SPEF2: variants seen among roughly 807,000 people sequenced by gnomAD.
SPEF2 encodes the protein sperm flagella and cilia-associated protein 2.
Under a neutral mutation model 224.6 loss-of-function variants are expected in SPEF2, and 187 were observed. The observed-to-expected ratio is 0.83, with a 90% confidence interval of 0.74 to 0.94. SPEF2 has a LOEUF of 0.94. Ranked by LOEUF, SPEF2 falls within the 40% of genes least tolerant of loss-of-function variation. The pLI, the probability that SPEF2 is intolerant of heterozygous loss-of-function variation, is 0.00. For missense variants in SPEF2, 2,170 were observed against 2,135.6 expected (o/e 1.02, Z -0.32); for synonymous variants, 715 against 707.3 (o/e 1.01, Z -0.17).
chr5:35,691,021 A>T lies in SPEF2; in HGVS notation c.1525-16A>T. ...TTTTCAGAATATTTCTGTTTATTTG[A>T]TCGTTATTTTTACAGAACATGGTTG... On this transcript the variant is annotated splice_polypyrimidine_tract_variant and intron_variant, in intron 10 of 36. Coordinates refer to ENST00000356031, the MANE Select transcript of SPEF2 (RefSeq NM_024867.4). The T allele has an allele frequency of 6.3e-7, 1 of 1,595,496 alleles. No homozygotes were observed. Among genetic ancestry groups the T allele is most frequent in the East Asian group, 2.2e-5 (1 of 44,586 alleles).
intron 21 of SPEF2, among the ~76,000 whole-genome samples, chr5:35,737,370 C>G (rs1051501794): frequency 2.4e-5 from 3 of 122,776 alleles, no homozygotes; most frequent in South Asian, 3.3e-4. Flanking sequence ...TCCCTCCCCC[C>G]ACCCCACAAC....
intron 30 of SPEF2, chr5:35,791,032 A>G (rs2149829850): frequency 6.6e-6 from 1 of 152,294 alleles, no homozygotes; most frequent in East Asian, 1.9e-4. Context: ...GCAGCTTACA[A>G]GATTTTTAAA....
At chr5:35,690,477 A>T (rs1754286409) in intron 10 of SPEF2, among the ~76,000 whole-genome samples, 1 of 152,030 alleles carries the variant, frequency 6.6e-6, no homozygotes, top group African/African-American at 2.4e-5. Context: ...TTAAATACTT[A>T]TTTTTTTCTA....
chr5:35,791,846 G>C (rs1756000272), intron 30 of SPEF2, among the ~76,000 whole-genome samples: 1 of 152,060 alleles, frequency 6.6e-6, no homozygotes, highest in Non-Finnish European at 1.5e-5. Flanking sequence ...AATTTCTCTA[G>C]ATTTACAAAA....
intron 36 of SPEF2, among the ~76,000 whole-genome samples, chr5:35,810,238 T>C (rs952936334): frequency 1.3e-5 from 2 of 151,934 alleles, no homozygotes; most frequent in African/African-American, 4.8e-5. Context: ...TGAGACAGAG[T>C]TTTGCTCTTG....
At chr5:35,696,449 C>A (rs1755332669) in intron 14 of SPEF2, among the ~76,000 whole-genome samples, 2 of 152,048 alleles carry the variant, frequency 1.3e-5, no homozygotes, top group Non-Finnish European at 2.9e-5. Flanking sequence ...TCAGAAAAAA[C>A]AGGAAAAGGG....
At chr5:35,626,594 C>A (rs1744293309) in intron 1 of SPEF2, among the ~76,000 whole-genome samples, 1 of 152,066 alleles carries the variant, frequency 6.6e-6, no homozygotes, top group South Asian at 2.1e-4. Context: ...TTTATTTTTT[C>A]TATTGCATAT....
At position 35,692,672 on chromosome 5, in the gene SPEF2, A is replaced by G; in HGVS notation, c.1847A>G (p.Asn616Ser). The G allele has an allele frequency of 6.2e-7, 1 of 1,613,856 alleles. No individual in the cohort carries two copies. Among genetic ancestry groups the G allele is most frequent in the Non-Finnish European group, 8.5e-7 (1 of 1,179,872 alleles). ...AGTGAGGTTCTACCAATTCAGAAAA[A>G]TGATGAAGAAGATGCTCTACCAGTT... is the stretch of plus-strand genomic sequence containing the variant. Reference protein sequence around the residue: ...KVSEVLPIQKNDEEDALPVLQ... With the variant: ...KVSEVLPIQKSDEEDALPVLQ... Residue 616 changes from asparagine (N) to serine (S), a missense_variant, in exon 12 of 37, where the codon AAT (asparagine) becomes AGT (serine). Physicochemically the swap from Asn to Ser is conservative, Grantham distance 46 (BLOSUM62 1). Coordinates refer to ENST00000356031, the MANE Select transcript of SPEF2 (RefSeq NM_024867.4).
At chr5:35,775,032 T>C (rs1341825996) in intron 28 of SPEF2, among the ~76,000 whole-genome samples, 1 of 152,218 alleles carries the variant, frequency 6.6e-6, no homozygotes, top group Non-Finnish European at 1.5e-5. Context: ...CAAATGATTA[T>C]TGACTTTCCA....
At chr5:35,741,773 T>C (rs1747686873) in intron 23 of SPEF2, among the ~76,000 whole-genome samples, 1 of 152,188 alleles carries the variant, frequency 6.6e-6, no homozygotes, top group South Asian at 2.1e-4. Context: ...GCCTATTCTT[T>C]GACACTCCTC....
intron 33 of SPEF2, among the ~76,000 whole-genome samples, chr5:35,798,333 A>C (rs1756961110): frequency 6.6e-6 from 1 of 152,052 alleles, no homozygotes; most frequent in South Asian, 2.1e-4. Context: ...TCCCTTTGCC[A>C]ATTCTGCTCA....
At chr5:35,719,257 C>G (rs1743181969) in intron 20 of SPEF2, among the ~76,000 whole-genome samples, 1 of 152,158 alleles carries the variant, frequency 6.6e-6, no homozygotes, top group Non-Finnish European at 1.5e-5. Context: ...TAGGGGAAAA[C>G]TTAAAAACAA....
Position 35,753,897 on chromosome 5 carries a change from G to A in SPEF2, c.3468+136G>A, listed in dbSNP as rs1460636142. 5 of 1,061,866 alleles carry A rather than the reference G, an allele frequency of 4.7e-6. No individual in the cohort carries two copies. In the Admixed American group the frequency reaches 1.2e-4, roughly 26 times the overall value. 65.8% of individuals were successfully genotyped at this position (1,061,866 alleles called of 1,614,324 possible). On this transcript the variant is annotated intron_variant, in intron 24 of 36. Transcript: ENST00000356031. ...TGGTATAGCACTATGCCTGGTATGAGCTCCAACTCACCAAAAAAGCTAGCC... is the reference window on the plus strand; with the variant it reads ...TGGTATAGCACTATGCCTGGTATGAACTCCAACTCACCAAAAAAGCTAGCC...
chr5:35,634,288 C>A (rs770746629), intron 2 of SPEF2, among the ~76,000 whole-genome samples: 53 of 152,088 alleles, frequency 3.5e-4, no homozygotes, highest in Middle Eastern at 3.4e-3. Context: ...TCTTGATTTG[C>A]AGTTTTTCTT....
chr5:35,740,335 C>T (rs769259511), intron 23 of SPEF2, 68 bp downstream of exon 23: 10 of 1,573,460 alleles, frequency 6.4e-6, no homozygotes, highest in Non-Finnish European at 8.7e-6. Flanking sequence ...AAAACCCCAA[C>T]TCATTTGCTC....
intron 20 of SPEF2, among the ~76,000 whole-genome samples, chr5:35,713,660 C>T (rs1400623941): frequency 2.7e-5 from 4 of 149,388 alleles, no homozygotes; most frequent in African/African-American, 7.4e-5. Flanking sequence ...CCCTTGAATC[C>T]GGGAGACACG....
intron 30 of SPEF2, chr5:35,788,782 A>T (rs1423610484): frequency 1.4e-6 from 1 of 703,014 alleles, no homozygotes; most frequent in Non-Finnish European, 2.6e-6. Context: ...ATCACCTTGA[A>T]CTATCTTACA....
At chr5:35,769,786 A>C (rs1278327567) in intron 26 of SPEF2, among the ~76,000 whole-genome samples, 2 of 152,038 alleles carry the variant, frequency 1.3e-5, no homozygotes, top group Non-Finnish European at 2.9e-5. Flanking sequence ...CTCACCCACA[A>C]AACTGTAATA....
At chr5:35,737,262 G>A (rs1746774974) in intron 21 of SPEF2, among the ~76,000 whole-genome samples, 1 of 151,838 alleles carries the variant, frequency 6.6e-6, no homozygotes, top group South Asian at 2.1e-4. Flanking sequence ...TATGCACAAT[G>A]TGCAGGTTTG....
Sources: gnomAD v4.1 joint callset for allele counts (sites outside exome capture counted in the v4.1 genomes callset) on GRCh38, gnomAD v4.1.1 for gene constraint, MANE v1.5 for transcripts, NCBI Gene and HGNC (gene_info 2026-07-23, HGNC 2026-07-21) for gene names.